SOX6: variants seen among roughly 807,000 people sequenced by gnomAD.
SOX6 encodes the protein transcription factor SOX-6.
A neutral mutation model predicts 97.8 loss-of-function variants in SOX6; 11 were observed. That is an observed-to-expected ratio of 0.11 (90% CI 0.07 to 0.19). SOX6 has a LOEUF of 0.19. Among genes scored for constraint, SOX6 ranks in the 10% least tolerant of loss-of-function variants. The pLI is 1.00. For missense variants in SOX6, 810 were observed against 1,039.5 expected (o/e 0.78, Z 3.04); for synonymous variants, 360 against 371.4 (o/e 0.97, Z 0.35).
At chr11:16,271,309 T>C (rs1854253469) in intron 3 of SOX6, among the ~76,000 whole-genome samples, 1 of 151,568 alleles carries the variant, frequency 6.6e-6, no homozygotes, top group Non-Finnish European at 1.5e-5. Context: ...TCAATATTTA[T>C]GTGAATTTCT....
chr11:16,444,760 T>C (rs1435876478), intron 1 of SOX6, among the ~76,000 whole-genome samples: 2 of 152,100 alleles, frequency 1.3e-5, no homozygotes, highest in Non-Finnish European at 1.5e-5. Flanking sequence ...AATAAGAGGT[T>C]AAAGAGAGAA....
At chr11:16,019,779 G>C (rs1854998742) in intron 12 of SOX6, among the ~76,000 whole-genome samples, 1 of 152,082 alleles carries the variant, frequency 6.6e-6, no homozygotes, top group African/African-American at 2.4e-5. Flanking sequence ...GAATTTTGCA[G>C]GGAAGGTTAA....
chr11:16,514,550 T>G (rs1454338355), intron 4 of SOX6, among the ~76,000 whole-genome samples: 1 of 152,076 alleles, frequency 6.6e-6, no homozygotes, highest in African/African-American at 2.4e-5. Flanking sequence ...GTTTTTTTTT[T>G]CTTTTATTAT....
intron 1 of SOX6, among the ~76,000 whole-genome samples, chr11:16,453,660 A>G (rs1859759790): frequency 6.6e-6 from 1 of 152,126 alleles, no homozygotes; most frequent in Admixed American, 6.5e-5. Context: ...CATATATACA[A>G]TTAGAGTTAT....
chr11:16,455,302 A>C (rs1859791626), intron 1 of SOX6, among the ~76,000 whole-genome samples: 2 of 152,088 alleles, frequency 1.3e-5, no homozygotes, highest in Non-Finnish European at 2.9e-5. Context: ...TTTTAAAAGT[A>C]TAAACCTAAC....
rs556110071 is a variant in SOX6, at chr11:16,321,636, CCA to C, written c.238-2985_238-2984del. ...ATGGGTTCCTTATTGCAGTGATGACCCACACTGTTCTTAGCCCCATAATCTGT... is the reference window on the plus strand; with the variant it reads ...ATGGGTTCCTTATTGCAGTGATGACCCACTGTTCTTAGCCCCATAATCTGT... On this transcript the variant is annotated intron_variant, in intron 2 of 15. Transcript: ENST00000683767. 1.1e-3 allele frequency among the ~76,000 whole-genome samples: 172 copies of C among 152,114 alleles called. 1 individual carries two copies. The highest frequency in any genetic ancestry group is 3.7e-3 in the South Asian group (18 of 4,822).
At chr11:16,731,659 G>A (rs989789621) in intron 2 of SOX6, among the ~76,000 whole-genome samples, 4 of 152,066 alleles carry the variant, frequency 2.6e-5, no homozygotes, top group East Asian at 3.9e-4. Flanking sequence ...GGCAAAAACC[G>A]GAAGCATTTC....
intron 12 of SOX6, 32 bp from the exon 13 acceptor site, chr11:16,015,082 A>G (rs1854844820): frequency 6.3e-7 from 1 of 1,590,600 alleles, no homozygotes; most frequent in African/African-American, 1.3e-5. Flanking sequence ...GGCTTATTCT[A>G]GTTTCCAAAA....
At chr11:16,357,789 C>T (rs1857111966), upstream of SOX6, among the ~76,000 whole-genome samples, 1 of 152,136 alleles carries the variant, frequency 6.6e-6, no homozygotes. Flanking sequence ...ATTTATTTCA[C>T]CAACGAAATC....
Position 16,046,644 on chromosome 11 carries a change from T to C in SOX6, c.1493A>G (p.Lys498Arg). The change falls in exon 12 of 16, where the codon AAA becomes AGA. Residue 498 changes from lysine to arginine, a missense_variant. Lys to Arg is a conservative substitution (Grantham distance 26). Around this residue, in one of 9 missense-constraint regions of SOX6, gnomAD observed 14 missense variants for 36.0 expected, o/e 0.39. Transcript: ENST00000683767. ...CATCTTCCGCGCCTCCTGAATGGCT[T>C]TCATCACTGTATCCTGATCCCCAAA... ...ALFGDQDTVMKAIQEARKMRE... is the reference protein window; with the variant it reads ...ALFGDQDTVMRAIQEARKMRE... 1 of 1,613,772 alleles carries C rather than the reference T, an allele frequency of 6.2e-7. No individual in the cohort carries two copies. Among genetic ancestry groups the C allele is most frequent in the Non-Finnish European group, 8.5e-7 (1 of 1,179,784 alleles).
At chr11:16,002,537 C>G (rs2119911257) in intron 13 of SOX6, among the ~76,000 whole-genome samples, 1 of 152,244 alleles carries the variant, frequency 6.6e-6, no homozygotes, top group Middle Eastern at 3.4e-3. Context: ...CATAGAGCAT[C>G]AAACATCCCA....
intron 4 of SOX6, among the ~76,000 whole-genome samples, chr11:16,581,597 G>A (rs1431424074): frequency 6.6e-6 from 1 of 152,078 alleles, no homozygotes; most frequent in Non-Finnish European, 1.5e-5. Context: ...TGTCTCCCAT[G>A]ACTTAGTGTA....
intron 1 of SOX6, among the ~76,000 whole-genome samples, chr11:16,389,334 A>AG (rs1246513716): frequency 6.6e-6 from 1 of 152,118 alleles, no homozygotes; most frequent in Non-Finnish European, 1.5e-5. Flanking sequence ...CTCCTGCCTA[A>AG]GCCTCCCAAA....
At chr11:16,442,511 T>C (rs1590205333) in intron 1 of SOX6, among the ~76,000 whole-genome samples, 1 of 152,130 alleles carries the variant, frequency 6.6e-6, no homozygotes, top group Non-Finnish European at 1.5e-5. Flanking sequence ...ATTTTGCATA[T>C]TAATCTTTTT....
At chr11:16,387,542 G>A (rs943463221) in intron 1 of SOX6, among the ~76,000 whole-genome samples, 4 of 151,974 alleles carry the variant, frequency 2.6e-5, no homozygotes, top group Admixed American at 2.6e-4. Context: ...AGAATTATTT[G>A]AATATAAAAA....
At position 16,633,102 on chromosome 11, in the gene SOX6, C is replaced by A. The variant is rs1464534700; in HGVS notation, n.430-20842G>T. Among the ~76,000 whole-genome samples the A allele has an allele frequency of 2.0e-5, 3 of 152,190 alleles. No individual in the cohort carries two copies. The East Asian group carries it at 5.8e-4, about 29-fold the overall frequency. On this transcript the variant is annotated intron_variant and non_coding_transcript_variant, in intron 3 of 5. Transcript: ENST00000524520. ...GATGGGTAGGGTCAAGCTGCTGAACCAGGAGAACAGGTGCTCCAAATGCCT... is the reference window on the plus strand; with the variant it reads ...GATGGGTAGGGTCAAGCTGCTGAACAAGGAGAACAGGTGCTCCAAATGCCT...
In SOX6 at chr11:16,341,075, T is replaced by C; in HGVS notation, c.174A>G (p.Thr58=). The change falls in exon 2 of 16, where the codon ACA becomes ACG. Residue 58 remains threonine, a synonymous_variant. Coordinates refer to ENST00000683767, the MANE Select transcript of SOX6 (RefSeq NM_001367873.1). ...HNKPHSEELP[T]LVSTIQQDAD... ...CATCTTGTTGAATGGTACTGACAAG[T>C]GTTGGTAGCTCCTCAGAGTGAGGTT... 1.2e-6 allele frequency: 2 copies of C among 1,613,404 alleles called. No homozygotes were observed. Among genetic ancestry groups the C allele is most frequent in the East Asian group, 4.5e-5 (2 of 44,846 alleles).
At chr11:16,423,360 C>T (rs1203906284) in intron 1 of SOX6, among the ~76,000 whole-genome samples, 2 of 152,168 alleles carry the variant, frequency 1.3e-5, no homozygotes, top group East Asian at 3.9e-4. Context: ...GTACCGCCAT[C>T]ACTCTCAATA....
intron 3 of SOX6, among the ~76,000 whole-genome samples, chr11:16,696,626 A>C (rs1400087754): frequency 6.6e-6 from 1 of 152,236 alleles, no homozygotes; most frequent in Non-Finnish European, 1.5e-5. Flanking sequence ...TATGTCTTAA[A>C]AACAATATAT....
Sources: gnomAD v4.1 joint callset for allele counts (sites outside exome capture counted in the v4.1 genomes callset) on GRCh38, gnomAD v4.1.1 for gene constraint, gnomAD v4.1.1 regional missense constraint, MANE v1.5 for transcripts, NCBI Gene and HGNC (gene_info 2026-07-23, HGNC 2026-07-21) for gene names.